Variants in RNF212B observed in about 807,000 individuals in gnomAD.
RNF212B encodes ring finger protein 212B.
Under a neutral mutation model 55.5 loss-of-function variants are expected in RNF212B, and 52 were observed. The observed-to-expected ratio is 0.94, with a 90% CI of 0.75 to 1.18. The LOEUF is 1.18. Ranked by LOEUF, RNF212B falls within the 50% of genes most tolerant of loss-of-function variation. The probability of loss-of-function intolerance (pLI) is 0.00; values close to 1 mark genes in which losing one functional copy is unlikely to be tolerated. For synonymous variants in RNF212B, 99 were observed against 121.4 expected (o/e 0.82, Z 1.21); for missense variants, 289 against 350.4 (o/e 0.82, Z 1.40).
intron 4 of RNF212B, among the ~76,000 whole-genome samples, chr14:23,247,291 T>C (rs1238648861): frequency 2.0e-5 from 3 of 152,150 alleles, no homozygotes; most frequent in Non-Finnish European, 4.4e-5. Context: ...CCTTTTAAAG[T>C]ATGCAATTCA....
At chr14:23,213,264 G>A (rs1452851896) in intron 2 of RNF212B, among the ~76,000 whole-genome samples, 1 of 151,258 alleles carries the variant, frequency 6.6e-6, no homozygotes, top group African/African-American at 2.4e-5. Flanking sequence ...AGTGAGCCGA[G>A]ATCGCACCAC....
rs1884038935 is a variant in RNF212B, at chr14:23,247,084, G to A, written c.228+2688G>A. 4.0e-5 allele frequency among the ~76,000 whole-genome samples: 6 copies of A among 150,936 alleles called. No individual in the cohort carries two copies. The South Asian group carries it at 1.2e-3, about 31-fold the overall frequency. On this transcript the variant is annotated intron_variant, in intron 4 of 14. Transcript: ENST00000430154. ...GAACCTGGGAGGTGGAGACTGCGGT[G>A]AGCCAAGATCGCACCATTGCACTCC...
At chr14:23,204,085 A>G (rs1879598137) in intron 2 of RNF212B, among the ~76,000 whole-genome samples, 1 of 151,560 alleles carries the variant, frequency 6.6e-6, no homozygotes, top group Non-Finnish European at 1.5e-5. Flanking sequence ...TTTTTTTCTT[A>G]CTGATTTGTT....
At position 23,272,194 on chromosome 14, in the gene RNF212B, G is replaced by C. The variant is rs1423693434; in HGVS notation, c.835-629G>C. Reference sequence around the variant, plus strand: ...GCACTTTGGGAGGCCGAGGCGGGCGGATTATGAGGTCAGGAGATCGAGACC... The same window carrying C: ...GCACTTTGGGAGGCCGAGGCGGGCGCATTATGAGGTCAGGAGATCGAGACC... On this transcript the variant is annotated intron_variant, in intron 14 of 14. Coordinates refer to ENST00000430154, the MANE Select transcript of RNF212B (RefSeq NM_001282322.3). Among the ~76,000 whole-genome samples, 5 of 152,232 alleles carry C rather than the reference G, an allele frequency of 3.3e-5. No individual in the cohort carries two copies. In the East Asian group the frequency reaches 9.7e-4, roughly 29 times the overall value.
intron 13 of RNF212B, 95 bp from the exon 14 acceptor site, chr14:23,270,505 C>T (rs1278356251): frequency 2.5e-6 from 2 of 799,032 alleles, no homozygotes; most frequent in Non-Finnish European, 4.3e-6. Context: ...GAGTAGTGTT[C>T]CTTTAAGAAC....
intron 2 of RNF212B, among the ~76,000 whole-genome samples, chr14:23,232,456 CGTCTG>C (rs1566414932): frequency 1.8e-5 from 2 of 112,320 alleles, no homozygotes; most frequent in Non-Finnish European, 4.4e-5. Flanking sequence ...GCAGCCGCCC[CGTCTG>C]AGAAGTGAGG....
At chr14:23,233,562 CAAAAAAAA>C (rs35654046), upstream of RNF212B, among the ~76,000 whole-genome samples, 2 of 58,392 alleles carry the variant, frequency 3.4e-5, no homozygotes, top group African/African-American at 7.1e-5. Context: ...CCCATCTCTA[CAAAAAAAA>C]AAAAAAAAAA....
At chr14:23,229,336 T>C (rs1483917332) in intron 2 of RNF212B, among the ~76,000 whole-genome samples, 1 of 148,612 alleles carries the variant, frequency 6.7e-6, no homozygotes, top group East Asian at 2.0e-4. Context: ...TGAATAATGC[T>C]GGTAGGAATA....
At chr14:23,217,904 C>T (rs983216291) in intron 2 of RNF212B, among the ~76,000 whole-genome samples, 2 of 151,924 alleles carry the variant, frequency 1.3e-5, no homozygotes, top group Non-Finnish European at 2.9e-5. Flanking sequence ...CACCAGGGAT[C>T]AATACTGGAG....
chr14:23,215,600 C>T (rs1230355953), intron 2 of RNF212B, among the ~76,000 whole-genome samples: 2 of 152,166 alleles, frequency 1.3e-5, no homozygotes, highest in Non-Finnish European at 2.9e-5. Flanking sequence ...AAGAAAGGAA[C>T]TGTCCATCCA....
chr14:23,233,883 G>A (rs1429376166), upstream of RNF212B, among the ~76,000 whole-genome samples: 1 of 152,114 alleles, frequency 6.6e-6, no homozygotes, highest in Non-Finnish European at 1.5e-5. Flanking sequence ...GATCACCTGA[G>A]GTCAGGAGTT....
intron 4 of RNF212B, among the ~76,000 whole-genome samples, chr14:23,248,165 AGTGGT>A (rs1232790761): frequency 6.6e-6 from 1 of 151,964 alleles, no homozygotes; most frequent in Non-Finnish European, 1.5e-5. Flanking sequence ...GCTGGAGTGC[AGTGGT>A]GTGGTTGTGG....
intron 1 of RNF212B, among the ~76,000 whole-genome samples, chr14:23,238,780 A>AATAATAATCATCATCATC (rs1343117592): frequency 3.2e-4 from 47 of 145,684 alleles, no homozygotes; most frequent in Non-Finnish European, 5.6e-4. Flanking sequence ...TAATAATAAT[A>AATAATAATCATCATCATC]ATCCCACAAA....
intron 11 of RNF212B, 98 bp downstream of exon 11, chr14:23,264,769 G>T: frequency 6.4e-5 from 33 of 518,354 alleles, no homozygotes; most frequent in Middle Eastern, 3.7e-4. Flanking sequence ...CATTTCACTT[G>T]TTTTTTTTTC....
chr14:23,241,955 G>A (rs1273246634), intron 2 of RNF212B, among the ~76,000 whole-genome samples: 1 of 151,032 alleles, frequency 6.6e-6, no homozygotes, highest in South Asian at 2.1e-4. Context: ...GGTGGCGGGC[G>A]CCTATGGTCC....
intron 4 of RNF212B, among the ~76,000 whole-genome samples, chr14:23,251,769 T>C (rs1373686157): frequency 6.7e-6 from 1 of 148,500 alleles, no homozygotes. Flanking sequence ...TGAGCCAAGA[T>C]TGTGCCACCA....
intron 2 of RNF212B, among the ~76,000 whole-genome samples, chr14:23,210,948 T>C (rs1880448230): frequency 6.6e-6 from 1 of 151,778 alleles, no homozygotes; most frequent in South Asian, 2.1e-4. Flanking sequence ...GATAATGTTA[T>C]AAACAGTGTT....
rs555802133 is a variant in RNF212B at position 23,232,841 on chromosome 14, C to T, written c.-1-7504C>T. On this transcript the variant is annotated intron_variant, in intron 2 of 15. Transcript: ENST00000399910. ...CCCTGTCTGGGAGGTGGGGGTGCCT[C>T]TGCCCAGCTGCCCCGTCTGGGAAGT... Among the ~76,000 whole-genome samples, 13 of 111,802 alleles carry T rather than the reference C, an allele frequency of 1.2e-4. No individual in the cohort carries two copies. In the South Asian group the frequency reaches 4.5e-3, roughly 38 times the overall value. The allele number at this position is 111,802 out of a possible 152,430, so 73.3% of individuals were successfully genotyped here. A position where few individuals can be genotyped will look rare whatever the true frequency, so the allele number is the denominator to read the frequency against.
intron 2 of RNF212B, among the ~76,000 whole-genome samples, chr14:23,226,640 A>G (rs1355479859): frequency 1.3e-5 from 2 of 152,074 alleles, no homozygotes; most frequent in African/African-American, 4.8e-5. Context: ...CAAAAACAAA[A>G]CAAAAAGAAA....
Sources: gnomAD v4.1 joint callset for allele counts (sites outside exome capture counted in the v4.1 genomes callset) on GRCh38, gnomAD v4.1.1 for gene constraint, MANE v1.5 for transcripts, NCBI Gene and HGNC (gene_info 2026-07-23, HGNC 2026-07-21) for gene names.